The following RABGAP1L variants were observed in gnomAD, a reference collection of about 807,000 sequenced individuals.
RABGAP1L encodes RAB GTPase activating protein 1 like, also known as rab GTPase-activating protein 1-like.
A neutral mutation model predicts 137.7 loss-of-function variants in RABGAP1L; 63 were observed. The observed-to-expected ratio is 0.46, with a 90% CI of 0.37 to 0.56. The LOEUF is 0.56. Among genes scored for constraint, RABGAP1L ranks in the 20% least tolerant of loss-of-function variants. The probability of loss-of-function intolerance (pLI) is 0.00; values close to 1 mark genes in which losing one functional copy is unlikely to be tolerated. For missense variants in RABGAP1L, 1,095 were observed against 1,244.0 expected (o/e 0.88, Z 1.80); for synonymous variants, 431 against 433.7 (o/e 0.99, Z 0.08).
At chr1:174,284,476 AT>A (rs2148698214) in intron 10 of RABGAP1L, among the ~76,000 whole-genome samples, 1 of 152,266 alleles carries the variant, frequency 6.6e-6, no homozygotes, top group East Asian at 1.9e-4. Context: ...GTGTGTATAT[AT>A]TCATTCATTC....
chr1:174,735,165 C>T (rs1231139688), intron 17 of RABGAP1L, among the ~76,000 whole-genome samples: 2 of 151,914 alleles, frequency 1.3e-5, no homozygotes, highest in East Asian at 3.9e-4. Context: ...TTGGTAGAGA[C>T]AGGGTCTTGC....
chr1:174,958,208 AT>A, intron 20 of RABGAP1L: 1 of 1,330,460 alleles, frequency 7.5e-7, no homozygotes, highest in Admixed American at 2.3e-5. Context: ...TTGTTGCAAC[AT>A]TTATTTCCAC....
intron 1 of RABGAP1L, among the ~76,000 whole-genome samples, chr1:174,169,968 G>A (rs181489147): frequency 6.6e-6 from 1 of 152,310 alleles, no homozygotes; most frequent in Admixed American, 6.5e-5. Context: ...ACAGATGTGA[G>A]CCACTAAACC....
At chr1:174,690,258 TATC>T (rs1329874851) in intron 15 of RABGAP1L, among the ~76,000 whole-genome samples, 2 of 152,188 alleles carry the variant, frequency 1.3e-5, no homozygotes, top group Non-Finnish European at 2.9e-5. Flanking sequence ...AGTTTCTTGT[TATC>T]ATCCTTCTAG....
chr1:174,690,867 C>G (rs1299452230), intron 15 of RABGAP1L, among the ~76,000 whole-genome samples: 2 of 133,912 alleles, frequency 1.5e-5, no homozygotes, highest in Middle Eastern at 5.3e-3. Flanking sequence ...TGGTCTCGCT[C>G]TATGACCCAG....
At chr1:174,868,673 G>T (rs2149046082) in intron 19 of RABGAP1L, among the ~76,000 whole-genome samples, 2 of 152,226 alleles carry the variant, frequency 1.3e-5, no homozygotes, top group East Asian at 3.9e-4. Context: ...TATAACAAAT[G>T]CTCTTTTTTC....
chr1:174,317,611 G>A (rs929574802), intron 11 of RABGAP1L, among the ~76,000 whole-genome samples: 2 of 152,132 alleles, frequency 1.3e-5, no homozygotes, highest in African/African-American at 4.8e-5. Flanking sequence ...GGGGTTAGGG[G>A]AGGGGTGATA....
At position 174,295,864 on chromosome 1, in the gene RABGAP1L, T is replaced by C. The variant is rs1677082106; in HGVS notation, c.1324-9122T>C. On this transcript the variant is annotated intron_variant, in intron 10 of 25. Coordinates refer to ENST00000681986, the MANE Select transcript of RABGAP1L (RefSeq NM_001366446.1). ...TTCCTGTGTGACTCCCAGGTAGAGA[T>C]GTTTAGCAAGCAGTTGGATATTTGT... Among the ~76,000 whole-genome samples the C allele has an allele frequency of 5.9e-5, 9 of 152,232 alleles. No individual in the cohort carries two copies. The South Asian group carries it at 1.9e-3, about 32-fold the overall frequency.
At chr1:174,877,332 T>G in intron 19 of RABGAP1L, 2 of 1,369,048 alleles carry the variant, frequency 1.5e-6, no homozygotes, top group Non-Finnish European at 2.0e-6. Flanking sequence ...AGCAGCCGCT[T>G]TTTTTTTCTT....
At chr1:174,791,291 C>G (rs1687841880) in intron 18 of RABGAP1L, among the ~76,000 whole-genome samples, 1 of 152,056 alleles carries the variant, frequency 6.6e-6, no homozygotes, top group South Asian at 2.1e-4. Flanking sequence ...CATATAACTC[C>G]TCCATTGAAA....
chr1:174,924,304 T>C (rs1201544462), intron 19 of RABGAP1L, among the ~76,000 whole-genome samples: 2 of 144,202 alleles, frequency 1.4e-5, no homozygotes, highest in Middle Eastern at 3.7e-3. Context: ...GGAGAATCTC[T>C]TGAACCCGGG....
chr1:174,257,451 T>C (rs1673226270), intron 7 of RABGAP1L, among the ~76,000 whole-genome samples: 1 of 152,186 alleles, frequency 6.6e-6, no homozygotes, highest in African/African-American at 2.4e-5. Context: ...ATATATGTTC[T>C]TTGCTAACTG....
At chr1:174,261,890 T>C (rs945237678) in intron 7 of RABGAP1L, among the ~76,000 whole-genome samples, 4 of 152,208 alleles carry the variant, frequency 2.6e-5, no homozygotes, top group Non-Finnish European at 5.9e-5. Context: ...TTTTAGATGT[T>C]ATAATAATTT....
chr1:174,723,370 C>T (rs543450998), intron 17 of RABGAP1L, among the ~76,000 whole-genome samples: 205 of 152,280 alleles, frequency 1.3e-3, no homozygotes, highest in African/African-American at 4.7e-3. Context: ...CCACTGTGCC[C>T]GTCCAAAATT....
At chr1:174,228,534 A>G (rs1156711204) in intron 3 of RABGAP1L, among the ~76,000 whole-genome samples, 2 of 152,138 alleles carry the variant, frequency 1.3e-5, no homozygotes, top group Non-Finnish European at 2.9e-5. Flanking sequence ...ATTTAAACAT[A>G]TTAAAATGTA....
chr1:174,921,731 C>G (rs965517253), intron 19 of RABGAP1L, among the ~76,000 whole-genome samples: 1 of 152,228 alleles, frequency 6.6e-6, no homozygotes, highest in Non-Finnish European at 1.5e-5. Context: ...CATTTACCTT[C>G]TGAACCATGT....
chr1:174,571,114 G>T (rs1184327128), intron 13 of RABGAP1L, among the ~76,000 whole-genome samples: 1 of 152,184 alleles, frequency 6.6e-6, no homozygotes, highest in Non-Finnish European at 1.5e-5. Context: ...CCAGTCATTT[G>T]CAACAACATA....
intron 13 of RABGAP1L, among the ~76,000 whole-genome samples, chr1:174,483,062 A>G (rs1461558925): frequency 1.3e-5 from 2 of 152,174 alleles, no homozygotes; most frequent in Admixed American, 6.5e-5. Flanking sequence ...TATGCATGCA[A>G]TATGTAATAA....
intron 13 of RABGAP1L, among the ~76,000 whole-genome samples, chr1:174,472,909 A>C (rs1658100542): frequency 6.6e-6 from 1 of 152,236 alleles, no homozygotes; most frequent in Admixed American, 6.5e-5. Context: ...CATTCTAAGA[A>C]TAGCAGTCTC....
Sources: gnomAD v4.1 joint callset for allele counts (sites outside exome capture counted in the v4.1 genomes callset) on GRCh38, gnomAD v4.1.1 for gene constraint, MANE v1.5 for transcripts, NCBI Gene and HGNC (gene_info 2026-07-23, HGNC 2026-07-21) for gene names.